PNPLA1: variants seen among roughly 807,000 people sequenced by gnomAD.
PNPLA1 encodes the protein patatin like domain 1, omega-hydroxyceramide transacylase.
In PNPLA1, 36 loss-of-function variants were observed where a neutral mutation model predicts 51.7. The observed-to-expected ratio is 0.70, with a 90% CI of 0.53 to 0.92. The LOEUF (loss-of-function observed/expected upper bound fraction) is 0.92, where lower values mean the gene tolerates loss of function less well. Ranked by LOEUF, PNPLA1 falls within the 40% of genes least tolerant of loss-of-function variation. The pLI, the probability that PNPLA1 is intolerant of heterozygous loss-of-function variation, is 0.00. For synonymous variants in PNPLA1, 293 were observed against 280.1 expected (o/e 1.05, Z -0.46); for missense variants, 658 against 682.5 (o/e 0.96, Z 0.40).
intron 1 of PNPLA1, among the ~76,000 whole-genome samples, chr6:36,283,415 A>G (rs1770380183): frequency 2.0e-5 from 3 of 152,340 alleles, no homozygotes; most frequent in Admixed American, 6.5e-5. Context: ...ATAAACCTCC[A>G]GACTTTTTTT....
At chr6:36,307,520 C>A in intron 7 of PNPLA1, 67 bp from the exon 8 acceptor site, 1 of 1,575,004 alleles carries the variant, frequency 6.3e-7, no homozygotes, top group East Asian at 2.3e-5. Context: ...CGGAGCTGAG[C>A]AGGCCACCAT....
At chr6:36,271,372 C>A (rs1769911364) in intron 1 of PNPLA1, among the ~76,000 whole-genome samples, 1 of 152,144 alleles carries the variant, frequency 6.6e-6, no homozygotes, top group African/African-American at 2.4e-5. Context: ...TAGTGAGCTA[C>A]CTTGGAGGGG....
intron 1 of PNPLA1, 49 bp from the exon 2 acceptor site, chr6:36,291,270 CT>C (rs1770666769): frequency 6.7e-7 from 1 of 1,500,514 alleles, no homozygotes; most frequent in African/African-American, 1.4e-5. Context: ...CCCTTGGCCC[CT>C]GGCCACTGGG....
At chr6:36,302,603 TC>T in intron 6 of PNPLA1, 134 bp downstream of exon 6, 1 of 1,241,190 alleles carries the variant, frequency 8.1e-7, no homozygotes, top group Non-Finnish European at 1.1e-6. Flanking sequence ...AGCATCTCTG[TC>T]CATTATGAGG....
Position 36,270,496 on chromosome 6 carries a change from C to A in PNPLA1, c.37C>A (p.Pro13Thr). 3 of 1,551,514 alleles carry A rather than the reference C, an allele frequency of 1.9e-6. No individual in the cohort carries two copies. The highest frequency in any genetic ancestry group is 2.6e-6 in the Non-Finnish European group (3 of 1,147,000). Residue 13 changes from proline to threonine, a missense_variant, in exon 1 of 9, where the codon CCT (proline) becomes ACT (threonine). By Grantham distance (38) the Pro-to-Thr change is conservative (BLOSUM62 -1). Coordinates refer to ENST00000636260, the MANE Select transcript of PNPLA1 (RefSeq NM_001374623.1). ...GGTGTTCAAGGGGGACCCGGACACC[C>A]CTCACTCCATCTCCTTCTCGGGCAG... The part of the protein sequence containing the change: ...EQVFKGDPDT[P>T]HSISFSGSGF...
At chr6:36,276,051 T>C (rs56317508) in intron 1 of PNPLA1, among the ~76,000 whole-genome samples, 66,244 of 150,394 alleles carry the variant, frequency 0.44, 15,654 homozygotes, top group African/African-American at 0.62. Context: ...CTCCGCCTCC[T>C]GGGTTCAAGA....
chr6:36,282,121 G>C (rs1245625240), intron 1 of PNPLA1, among the ~76,000 whole-genome samples: 1 of 123,572 alleles, frequency 8.1e-6, no homozygotes, highest in African/African-American at 2.8e-5. Context: ...AGGAAGGAAG[G>C]AAGGAAGGAA....
intron 1 of PNPLA1, among the ~76,000 whole-genome samples, chr6:36,264,056 T>TC (rs1769711019): frequency 6.6e-6 from 1 of 152,124 alleles, no homozygotes; most frequent in Non-Finnish European, 1.5e-5. Flanking sequence ...ACCTGGAGCT[T>TC]CCCCATGCAG....
chr6:36,279,658 C>T (rs976113615), intron 1 of PNPLA1, among the ~76,000 whole-genome samples: 5 of 152,204 alleles, frequency 3.3e-5, no homozygotes, highest in Admixed American at 2.0e-4. Flanking sequence ...GGACCCATCT[C>T]GCCCTTGGTT....
At chr6:36,293,024 G>C (rs374299230) in intron 2 of PNPLA1, 37 bp from the exon 3 acceptor site, 9 of 1,569,900 alleles carry the variant, frequency 5.7e-6, no homozygotes, top group Non-Finnish European at 5.2e-6. Context: ...CCCCACCCCC[G>C]GGCCTCCAGC....
At chr6:36,283,433 C>A (rs1770380917) in intron 1 of PNPLA1, among the ~76,000 whole-genome samples, 1 of 152,124 alleles carries the variant, frequency 6.6e-6, no homozygotes, top group African/African-American at 2.4e-5. Flanking sequence ...TTTGGTTCCC[C>A]TGAGTTAGGA....
At chr6:36,288,608 G>A (rs1437646512) in intron 1 of PNPLA1, among the ~76,000 whole-genome samples, 2 of 151,338 alleles carry the variant, frequency 1.3e-5, no homozygotes, top group South Asian at 2.1e-4. Context: ...GCCCGCCACC[G>A]CGCCCGGCTA....
At chr6:36,284,479 G>A (rs538729638) in intron 1 of PNPLA1, among the ~76,000 whole-genome samples, 2 of 152,190 alleles carry the variant, frequency 1.3e-5, no homozygotes, top group South Asian at 4.2e-4. Context: ...AACAAAAACT[G>A]TGTGACCTAG....
chr6:36,255,771 A>G (rs1163112725), intron 1 of PNPLA1, among the ~76,000 whole-genome samples: 1 of 152,230 alleles, frequency 6.6e-6, no homozygotes, highest in Non-Finnish European at 1.5e-5. Context: ...TAGCAGGCTA[A>G]GAAATTATTT....
At position 36,299,323 on chromosome 6, in the gene PNPLA1, G is replaced by GT. The variant is rs1328876698; in HGVS notation, c.776-2531dup. 2.1e-4 allele frequency among the ~76,000 whole-genome samples: 19 copies of GT among 89,398 alleles called. 1 individual carries two copies. The highest frequency in any genetic ancestry group is 8.1e-4 in the African/African-American group (19 of 23,562). The allele number at this position is 89,398 out of a possible 152,430, so 58.6% of individuals were successfully genotyped here. ...CTCCAAAACTTTTGGGGTTTTTTTT[G>GT]TTTTTTTGTCTGTTTTTTTTTTTTT... On this transcript the variant is annotated intron_variant, in intron 5 of 8. Coordinates refer to ENST00000636260, the MANE Select transcript of PNPLA1 (RefSeq NM_001374623.1).
intron 1 of PNPLA1, among the ~76,000 whole-genome samples, chr6:36,281,333 A>C (rs1475195573): frequency 2.0e-5 from 3 of 152,194 alleles, no homozygotes; most frequent in African/African-American, 4.8e-5. Flanking sequence ...AATCACTCCC[A>C]AAATTAGTTA....
chr6:36,295,969 A>G (rs1277883850), intron 5 of PNPLA1, among the ~76,000 whole-genome samples: 2 of 152,196 alleles, frequency 1.3e-5, no homozygotes, highest in Non-Finnish European at 2.9e-5. Context: ...AACAATTCCA[A>G]TGACATGTCT....
chr6:36,290,280 A>G (rs1770634942), intron 1 of PNPLA1, among the ~76,000 whole-genome samples: 1 of 152,074 alleles, frequency 6.6e-6, no homozygotes, highest in South Asian at 2.1e-4. Context: ...AGCTATTTTC[A>G]CTCCTGATTT....
chr6:36,312,827 G>A lies in PNPLA1; in HGVS notation c.*941G>A, dbSNP rs1338113085. ...ATGCCAGCACTGATCGGCACTCATGGACCTTCCTCTCAACCTTGGCCTGAG... is the reference window on the plus strand; with the variant it reads ...ATGCCAGCACTGATCGGCACTCATGAACCTTCCTCTCAACCTTGGCCTGAG... On this transcript the variant is annotated 3_prime_UTR_variant, in exon 9 of 9. Coordinates refer to ENST00000636260, the MANE Select transcript of PNPLA1 (RefSeq NM_001374623.1). Among the ~76,000 whole-genome samples the A allele has an allele frequency of 6.6e-6, 1 of 152,186 alleles. No individual in the cohort carries two copies. Among genetic ancestry groups the A allele is most frequent in the Non-Finnish European group, 1.5e-5 (1 of 68,040 alleles).
Sources: allele counts gnomAD v4.1 joint callset (sites outside exome capture counted in the v4.1 genomes callset), GRCh38; gene constraint gnomAD v4.1.1; transcripts MANE v1.5; gene names NCBI Gene and HGNC (gene_info 2026-07-23, HGNC 2026-07-21).